Variants in ABHD2 observed in about 807,000 individuals in gnomAD.
ABHD2 encodes monoacylglycerol lipase ABHD2.
Under a neutral mutation model 48.1 loss-of-function variants are expected in ABHD2, and 20 were observed. The observed-to-expected ratio is 0.42, with a 90% CI of 0.29 to 0.60. The LOEUF (loss-of-function observed/expected upper bound fraction) is 0.60, where lower values mean the gene tolerates loss of function less well. Ranked by LOEUF, ABHD2 falls within the 20% of genes least tolerant of loss-of-function variation. The pLI is 0.24. For synonymous variants in ABHD2, 209 were observed against 214.2 expected (o/e 0.98, Z 0.21); for missense variants, 405 against 550.9 (o/e 0.74, Z 2.65).
At chr15:89,067,956 C>T in the ABHD2 span, among the ~76,000 whole-genome samples, 1 of 152,150 alleles carries the variant, frequency 6.6e-6, no homozygotes, top group African/African-American at 2.4e-5. Context: ...AAGAAACGGT[C>T]TAGTGGGACT....
At chr15:89,194,596 C>A (rs2051364321) in intron 10 of ABHD2, among the ~76,000 whole-genome samples, 1 of 152,158 alleles carries the variant, frequency 6.6e-6, no homozygotes, top group Non-Finnish European at 1.5e-5. Flanking sequence ...CTCATTGACT[C>A]CATTGAATTC....
At chr15:89,072,882 A>G in the ABHD2 span, among the ~76,000 whole-genome samples, 11 of 152,328 alleles carry the variant, frequency 7.2e-5, no homozygotes, top group African/African-American at 1.9e-4. Context: ...CAGATAAACA[A>G]TACATAATTT....
intron 1 of ABHD2, among the ~76,000 whole-genome samples, chr15:89,096,542 G>T (rs2049616436): frequency 6.6e-6 from 1 of 152,204 alleles, no homozygotes; most frequent in Non-Finnish European, 1.5e-5. Flanking sequence ...GCTCTGGGAG[G>T]CAGACAGAGG....
intron 5 of ABHD2, among the ~76,000 whole-genome samples, chr15:89,156,452 A>G (rs1391444329): frequency 2.0e-5 from 3 of 152,118 alleles, no homozygotes; most frequent in African/African-American, 4.8e-5. Flanking sequence ...GCATCTGTTC[A>G]TGACTTACTG....
At chr15:89,111,194 T>G (rs2150805051) in intron 1 of ABHD2, among the ~76,000 whole-genome samples, 1 of 152,376 alleles carries the variant, frequency 6.6e-6, no homozygotes, top group African/African-American at 2.4e-5. Flanking sequence ...TTAGATTTTC[T>G]TAGTTGCTAT....
At position 89,116,351 on chromosome 15, in the gene ABHD2, C is replaced by A. The variant is rs779284661; in HGVS notation, c.24C>A (p.Pro8=). 2.1e-5 allele frequency: 34 copies of A among 1,613,864 alleles called. No individual in the cohort carries two copies. In the Admixed American group the frequency reaches 5.5e-4, roughly 26 times the overall value. ...AGATGAATGCCATGCTGGAGACTCC[C>A]GAACTCCCAGCCGTGTTTGATGGAG... MNAMLET[P]ELPAVFDGVK... Residue 8 remains proline (P), a synonymous_variant, in exon 3 of 11, where the codon CCC becomes CCA. Transcript: ENST00000352732. This position sits in a 1 kb window ranked among gnomAD's most constrained non-coding sequence, Gnocchi z 4.6.
chr15:89,068,822 G>T, the ABHD2 span, among the ~76,000 whole-genome samples: 1 of 122,102 alleles, frequency 8.2e-6, no homozygotes, highest in Non-Finnish European at 1.6e-5. Context: ...AGGCTGGAGT[G>T]CAGTGACTAG....
chr15:89,177,758 A>T lies in ABHD2; in HGVS notation c.722+1763A>T, dbSNP rs962807548. On this transcript the variant is annotated intron_variant, in intron 6 of 10. Transcript: ENST00000352732. The surrounding 1 kb of genome is among the most constrained non-coding windows in gnomAD (Gnocchi z 5.6). ...TCATAGCCACGTGTAACCAGAATTA[A>T]CCAAAGTCCTGTCGGGCCCAGTCAC... is the stretch of plus-strand genomic sequence containing the variant. Among the ~76,000 whole-genome samples, 1 of 151,914 alleles carries T rather than the reference A, an allele frequency of 6.6e-6. No homozygotes were observed. The highest frequency in any genetic ancestry group is 2.4e-5 in the African/African-American group (1 of 41,330).
chr15:89,149,169 A>G (rs1596117744), intron 3 of ABHD2, among the ~76,000 whole-genome samples: 1 of 152,046 alleles, frequency 6.6e-6, no homozygotes, highest in East Asian at 1.9e-4. Flanking sequence ...TTGATCTTAC[A>G]TTGAACTGAG....
intron 3 of ABHD2, among the ~76,000 whole-genome samples, chr15:89,147,973 C>T (rs142267203): frequency 6.9e-4 from 104 of 151,176 alleles, no homozygotes; most frequent in African/African-American, 2.1e-3. Context: ...AAAAATCAGC[C>T]GGGCGTGATG....
intron 1 of ABHD2, among the ~76,000 whole-genome samples, chr15:89,095,932 T>C (rs928965017): frequency 3.9e-5 from 6 of 152,252 alleles, no homozygotes; most frequent in Non-Finnish European, 8.8e-5. Context: ...CCCGTTTGTA[T>C]GTGAATTTCT....
At chr15:89,171,557 G>A (rs999354480) in intron 5 of ABHD2, among the ~76,000 whole-genome samples, 1 of 152,202 alleles carries the variant, frequency 6.6e-6, no homozygotes, top group Non-Finnish European at 1.5e-5. Flanking sequence ...GGATCTACAG[G>A]AAGCGCCTGG....
intron 1 of ABHD2, among the ~76,000 whole-genome samples, chr15:89,108,719 G>A (rs1213730411): frequency 6.6e-6 from 1 of 152,164 alleles, no homozygotes; most frequent in African/African-American, 2.4e-5. Context: ...TGAAATTATT[G>A]GCACAGCTGA....
chr15:89,160,470 G>T (rs1369371013), intron 5 of ABHD2, among the ~76,000 whole-genome samples: 1 of 150,328 alleles, frequency 6.7e-6, no homozygotes, highest in African/African-American at 2.5e-5. Context: ...CTATTTCAGA[G>T]TATGCTCTTG....
rs193294433 is a variant in ABHD2, at chr15:89,159,400, G to C, written c.538+3866G>C. On this transcript the variant is annotated intron_variant, in intron 5 of 10. Transcript: ENST00000352732. ...TCAAAAAAAAAGGAATTACAATACA[G>C]TGTGATGAGTGGACTAACACAGCGG... Among the ~76,000 whole-genome samples, 43 of 152,256 alleles carry C rather than the reference G, an allele frequency of 2.8e-4. No homozygotes were observed. The East Asian group carries it at 6.2e-3, about 22-fold the overall frequency.
upstream of ABHD2, among the ~76,000 whole-genome samples, chr15:89,086,261 A>G (rs1326295588): frequency 6.6e-6 from 1 of 152,204 alleles, no homozygotes; most frequent in Non-Finnish European, 1.5e-5. Context: ...TGCTGACCTC[A>G]GGTGATCCTC....
chr15:89,193,339 G>A lies in ABHD2; in HGVS notation c.1081+20G>A, dbSNP rs1347446460. The stretch of plus-strand genomic sequence containing the variant: ...TTTCAGGTAAGTGTTTCTTCCTGCT[G>A]CCCTCTCAACAGCTCAGCAAGTTGC... On this transcript the variant is annotated intron_variant, in intron 10 of 10. Transcript: ENST00000352732. The A allele has an allele frequency of 3.1e-6, 5 of 1,598,360 alleles. No homozygotes were observed.
At chr15:89,139,800 C>T (rs1348798121) in intron 3 of ABHD2, among the ~76,000 whole-genome samples, 1 of 151,998 alleles carries the variant, frequency 6.6e-6, no homozygotes, top group Non-Finnish European at 1.5e-5. Context: ...GAGTGGAGGG[C>T]CTGTGAAGAT....
the ABHD2 span, among the ~76,000 whole-genome samples, chr15:89,071,612 T>C: frequency 1.3e-5 from 2 of 152,124 alleles, no homozygotes; most frequent in Admixed American, 1.3e-4. Flanking sequence ...ACAAATGGCC[T>C]CCATCCCTTA....
Sources: allele counts gnomAD v4.1 joint callset (sites outside exome capture counted in the v4.1 genomes callset), GRCh38; gene constraint gnomAD v4.1.1; non-coding constraint Gnocchi (gnomAD v3.1); transcripts MANE v1.5; gene names NCBI Gene and HGNC (gene_info 2026-07-23, HGNC 2026-07-21).